The following EGFLAM variants were observed in gnomAD, a reference collection of about 807,000 sequenced individuals.
EGFLAM encodes the protein EGF like, fibronectin type III and laminin G domains.
EGFLAM carries 79 observed loss-of-function variants against 113.1 expected under a neutral mutation model. That is an observed-to-expected ratio of 0.70 (90% CI 0.58 to 0.84). The LOEUF (loss-of-function observed/expected upper bound fraction) is 0.84, where lower values mean the gene tolerates loss of function less well. EGFLAM is among the 40% of genes least tolerant of loss of function. The pLI is 0.00. For synonymous variants in EGFLAM, 504 were observed against 487.6 expected, an observed-to-expected ratio of 1.03 and a Z score of -0.44; for missense variants, 1,265 against 1,291.6, an observed-to-expected ratio of 0.98 and a Z score of 0.32.
chr5:38,268,426 A>G (rs780141819), intron 1 of EGFLAM, among the ~76,000 whole-genome samples: 1 of 152,170 alleles, frequency 6.6e-6, no homozygotes, highest in Non-Finnish European at 1.5e-5. Context: ...TTTCTGTGCC[A>G]AATCAGAATA....
intron 6 of EGFLAM, 27 bp downstream of exon 6, chr5:38,370,489 C>T (rs745405058): frequency 2.0e-5 from 32 of 1,605,390 alleles, no homozygotes; most frequent in Non-Finnish European, 2.5e-5. Context: ...TTCTGAGGGA[C>T]CAAGGGAGCT....
intron 1 of EGFLAM, among the ~76,000 whole-genome samples, chr5:38,324,832 G>A (rs1738835727): frequency 1.3e-5 from 2 of 152,196 alleles, no homozygotes; most frequent in Admixed American, 6.5e-5. Context: ...GGATTCTGAA[G>A]CTTCCCTGAA....
At chr5:38,260,168 AC>A (rs1445618194) in intron 1 of EGFLAM, among the ~76,000 whole-genome samples, 1 of 152,244 alleles carries the variant, frequency 6.6e-6, no homozygotes, top group East Asian at 1.9e-4. Flanking sequence ...CTGCACGCAC[AC>A]ATACATATAC....
At chr5:38,388,255 G>A (rs1202923685) in intron 6 of EGFLAM, among the ~76,000 whole-genome samples, 1 of 152,154 alleles carries the variant, frequency 6.6e-6, no homozygotes, top group Non-Finnish European at 1.5e-5. Context: ...AGTTACTTAA[G>A]CCCTTGAAGT....
At chr5:38,406,805 C>G (rs763702316) in intron 7 of EGFLAM, 23 bp from the exon 8 acceptor site, 1 of 1,603,234 alleles carries the variant, frequency 6.2e-7, no homozygotes, top group Non-Finnish European at 8.5e-7. Context: ...TCATCTTGAA[C>G]CCCTTTCCTT....
At chr5:38,462,394 T>C (rs1028257366) in intron 20 of EGFLAM, among the ~76,000 whole-genome samples, 6 of 152,142 alleles carry the variant, frequency 3.9e-5, no homozygotes, top group African/African-American at 1.4e-4. Flanking sequence ...TTACAAGCGG[T>C]TGACCGTTTG....
At chr5:38,330,462 T>C (rs1182498519) in intron 1 of EGFLAM, among the ~76,000 whole-genome samples, 2 of 152,202 alleles carry the variant, frequency 1.3e-5, no homozygotes, top group Non-Finnish European at 2.9e-5. Context: ...ATCATCACTA[T>C]AGCATTCTCT....
At chr5:38,407,382 A>C (rs971450122) in intron 8 of EGFLAM, among the ~76,000 whole-genome samples, 1 of 152,232 alleles carries the variant, frequency 6.6e-6, no homozygotes, top group Non-Finnish European at 1.5e-5. Context: ...CCTTTAAAGC[A>C]ATCAATAAAT....
intron 6 of EGFLAM, among the ~76,000 whole-genome samples, chr5:38,395,532 G>A (rs1740937933): frequency 6.6e-6 from 1 of 152,086 alleles, no homozygotes; most frequent in South Asian, 2.1e-4. Context: ...GAGAAGAGAG[G>A]GTCTAAGTGT....
chr5:38,463,094 A>C, intron 21 of EGFLAM, 83 bp downstream of exon 21: 8 of 1,348,840 alleles, frequency 5.9e-6, no homozygotes, highest in African/African-American at 1.5e-5. Context: ...GAGGCTATGT[A>C]CTTTGCTGGA....
intron 3 of EGFLAM, among the ~76,000 whole-genome samples, chr5:38,342,069 T>C (rs1373737361): frequency 6.6e-6 from 1 of 152,192 alleles, no homozygotes; most frequent in Non-Finnish European, 1.5e-5. Flanking sequence ...AAATGTTGAT[T>C]CTCCTGCATC....
At chr5:38,259,202 G>A (rs1317687435) in intron 1 of EGFLAM, among the ~76,000 whole-genome samples, 1 of 152,140 alleles carries the variant, frequency 6.6e-6, no homozygotes, top group Non-Finnish European at 1.5e-5. Flanking sequence ...CCCCTCCTGC[G>A]TCTCCAAACA....
intron 6 of EGFLAM, among the ~76,000 whole-genome samples, chr5:38,381,444 T>C (rs1037839957): frequency 2.0e-5 from 3 of 152,154 alleles, no homozygotes; most frequent in Admixed American, 1.3e-4. Context: ...AACACTTATG[T>C]ACAAATATAA....
intron 11 of EGFLAM, 106 bp from the exon 12 acceptor site, chr5:38,417,959 TG>T: frequency 1.8e-6 from 2 of 1,132,412 alleles, no homozygotes; most frequent in Non-Finnish European, 2.5e-6. Flanking sequence ...AAGAAAATGC[TG>T]GGGCTGTCAC....
Position 38,451,332 on chromosome 5 carries a change from C to G in EGFLAM, c.2561C>G (p.Ser854Ter), listed in dbSNP as rs1458662325. The G allele has an allele frequency of 1.9e-6, 3 of 1,613,938 alleles. No homozygotes were observed. The highest frequency in any genetic ancestry group is 1.7e-5 in the Admixed American group (1 of 59,996). The change falls in exon 19 of 22, where the codon TCA becomes TGA. Residue 854 changes from serine (S) to a stop codon, truncating the protein, a stop_gained. Transcript: ENST00000322350. LOFTEE classifies it high-confidence loss of function. The part of the protein sequence containing the change: ...DILKRVSGSR[S>*]NVFMRFKTTA... ...TCCTCCAGGGTGTCAGGATCAAGAT[C>G]AAATGTGTTCATGAGGTTTAAAACA...
At chr5:38,401,932 C>T (rs1426596837) in intron 6 of EGFLAM, 1 of 152,216 alleles carries the variant, frequency 6.6e-6, no homozygotes, top group Non-Finnish European at 1.5e-5. Flanking sequence ...GAATGTCCTA[C>T]AAGTCTTGGT....
chr5:38,438,763 G>T (rs1294945439), intron 17 of EGFLAM, among the ~76,000 whole-genome samples: 2 of 152,074 alleles, frequency 1.3e-5, no homozygotes, highest in Admixed American at 6.5e-5. Context: ...ACAGAGTAGG[G>T]GTTTCCAGGA....
rs74624102 is a variant in EGFLAM, at chr5:38,338,777, C to T, written c.287C>T (p.Thr96Ile). 9.5e-4 allele frequency: 1,533 copies of T among 1,614,158 alleles called. 20 individuals carry two copies. The African/African-American group carries it at 0.018, about 19-fold the overall frequency. The change falls in exon 3 of 22, where the codon ACC (threonine) becomes ATC (isoleucine). Residue 96 changes from threonine to isoleucine, a missense_variant. Transcript: ENST00000322350. ...HSVPLSRDIP[T>I]TEEVIGDLKP... Reference sequence around the variant, plus strand: ...GTGCCTCTCAGCCGGGACATCCCGACCACGGTGAGTCTTTCCATCCTGGCA... The same window carrying T: ...GTGCCTCTCAGCCGGGACATCCCGATCACGGTGAGTCTTTCCATCCTGGCA...
chr5:38,261,382 C>G (rs990899458), intron 1 of EGFLAM, among the ~76,000 whole-genome samples: 3 of 152,180 alleles, frequency 2.0e-5, no homozygotes, highest in Non-Finnish European at 4.4e-5. Context: ...GTTCTAAGAA[C>G]TGGATGCACA....
Sources: allele counts gnomAD v4.1 joint callset (sites outside exome capture counted in the v4.1 genomes callset), GRCh38; gene constraint gnomAD v4.1.1; transcripts MANE v1.5; gene names NCBI Gene and HGNC (gene_info 2026-07-23, HGNC 2026-07-21).